The following NUP98 variants were observed in gnomAD, a reference collection of about 807,000 sequenced individuals.
The protein encoded by NUP98 is nuclear pore complex protein Nup98-Nup96.
Under a neutral mutation model 191.9 loss-of-function variants are expected in NUP98, and 26 were observed. The ratio of observed to expected loss-of-function variants is 0.14; its 90% CI spans 0.10 to 0.19. The LOEUF (loss-of-function observed/expected upper bound fraction) is 0.19, where lower values mean the gene tolerates loss of function less well. Ranked by LOEUF, NUP98 falls within the 10% of genes least tolerant of loss-of-function variation. The pLI is 1.00. For synonymous variants in NUP98, 808 were observed against 778.4 expected, an observed-to-expected ratio of 1.04 and a Z score of -0.63; for missense variants, 1,941 against 2,178.8, an observed-to-expected ratio of 0.89 and a Z score of 2.17.
intron 10 of NUP98, among the ~76,000 whole-genome samples, chr11:3,755,555 C>G (rs2080930305): frequency 6.6e-6 from 1 of 152,066 alleles, no homozygotes; most frequent in Admixed American, 6.6e-5. Flanking sequence ...GAAAGTATCA[C>G]TAATATTATA....
At chr11:3,716,633 TG>T (rs2079192885) in intron 18 of NUP98, among the ~76,000 whole-genome samples, 1 of 151,956 alleles carries the variant, frequency 6.6e-6, no homozygotes, top group Non-Finnish European at 1.5e-5. Context: ...AGCTTGAACC[TG>T]GGGGCAGAGG....
chr11:3,703,779 C>T (rs1294028404), intron 22 of NUP98, among the ~76,000 whole-genome samples: 2 of 152,132 alleles, frequency 1.3e-5, no homozygotes, highest in Non-Finnish European at 2.9e-5. Context: ...CACTAGGTAT[C>T]TTACAATTGT....
intron 10 of NUP98, among the ~76,000 whole-genome samples, chr11:3,758,931 T>G (rs979156305): frequency 6.6e-6 from 1 of 152,154 alleles, no homozygotes; most frequent in African/African-American, 2.4e-5. Flanking sequence ...GCAAAATGAC[T>G]AAAAGGGATT....
intron 18 of NUP98, among the ~76,000 whole-genome samples, chr11:3,718,124 G>A (rs879140470): frequency 6.6e-6 from 1 of 152,094 alleles, no homozygotes; most frequent in Non-Finnish European, 1.5e-5. Context: ...CAATTTTTTG[G>A]AAGAGTCTGA....
chr11:3,692,455 G>A (rs571281349), intron 27 of NUP98, among the ~76,000 whole-genome samples: 48 of 152,012 alleles, frequency 3.2e-4, no homozygotes, highest in Non-Finnish European at 5.0e-4. Flanking sequence ...GTGAAACCGC[G>A]TCTCTACTAA....
At position 3,780,541 on chromosome 11, in the gene NUP98, CAAAAAAA is replaced by C. The variant is rs142060672; in HGVS notation, c.77-1291_77-1285del. Among the ~76,000 whole-genome samples, 109 of 74,822 alleles carry C rather than the reference CAAAAAAA, an allele frequency of 1.5e-3. No individual in the cohort carries two copies. In the East Asian group the frequency reaches 0.018, roughly 12 times the overall value. 49.1% of individuals were successfully genotyped at this position (74,822 alleles called of 152,430 possible). ...TGGGTGACAGAGCGAGACTCCATCTCAAAAAAAAAAAAAAAAAAAAAGAAAAAGAAAA... is the reference window on the plus strand; with the variant it reads ...TGGGTGACAGAGCGAGACTCCATCTCAAAAAAAAAAAAAAGAAAAAGAAAA... On this transcript the variant is annotated intron_variant, in intron 2 of 32. Transcript: ENST00000324932.
At chr11:3,715,524 C>A (rs1202480990) in intron 18 of NUP98, among the ~76,000 whole-genome samples, 6 of 151,894 alleles carry the variant, frequency 4.0e-5, no homozygotes, top group Admixed American at 3.9e-4. Flanking sequence ...TGTTGGGCAT[C>A]TTTTCATGTA....
chr11:3,691,714 C>T (rs542320578), intron 27 of NUP98, among the ~76,000 whole-genome samples: 39 of 152,184 alleles, frequency 2.6e-4, no homozygotes, highest in African/African-American at 8.2e-4. Flanking sequence ...CCACCACACC[C>T]GGCTAATTTT....
At chr11:3,708,003 A>G (rs2078914483) in intron 20 of NUP98, among the ~76,000 whole-genome samples, 1 of 152,112 alleles carries the variant, frequency 6.6e-6, no homozygotes, top group South Asian at 2.1e-4. Context: ...TAGGAGGCTG[A>G]GGCAGGAAAA....
intron 14 of NUP98, among the ~76,000 whole-genome samples, chr11:3,726,399 A>G (rs777672735): frequency 5.0e-4 from 75 of 150,470 alleles, no homozygotes; most frequent in Non-Finnish European, 8.7e-4. Flanking sequence ...CAATAATGCC[A>G]TAAGTTAGTT....
intron 20 of NUP98, among the ~76,000 whole-genome samples, chr11:3,707,325 A>G (rs2078889862): frequency 6.6e-6 from 1 of 152,214 alleles, no homozygotes; most frequent in Non-Finnish European, 1.5e-5. Flanking sequence ...CTAACAGTCT[A>G]TGATTTAAAA....
At chr11:3,759,883 G>A (rs2134499262) in intron 10 of NUP98, among the ~76,000 whole-genome samples, 2 of 150,992 alleles carry the variant, frequency 1.3e-5, no homozygotes, top group South Asian at 4.2e-4. Context: ...ATGTTGCCTA[G>A]GCTGGAATGC....
At chr11:3,787,049 A>C (rs1295176840) in intron 1 of NUP98, among the ~76,000 whole-genome samples, 4 of 152,222 alleles carry the variant, frequency 2.6e-5, no homozygotes, top group Non-Finnish European at 5.9e-5. Context: ...TCTAACCTTC[A>C]CAAAAATACT....
chr11:3,695,071 G>A (rs1462197402), intron 26 of NUP98, among the ~76,000 whole-genome samples: 1 of 152,180 alleles, frequency 6.6e-6, no homozygotes. Flanking sequence ...GCTCAGGTGA[G>A]AGGATCACTT....
Position 3,719,568 on chromosome 11 carries a change from T to C in NUP98, c.2261-18A>G, listed in dbSNP as rs762253588. 22 of 1,516,680 alleles carry C rather than the reference T, an allele frequency of 1.5e-5. No individual in the cohort carries two copies. The highest frequency in any genetic ancestry group is 5.0e-5 in the East Asian group (2 of 40,156). The allele number at this position is 1,516,680 out of a possible 1,614,324, so 94.0% of individuals were successfully genotyped here. A position where few individuals can be genotyped will look rare whatever the true frequency, so the allele number is the denominator to read the frequency against. On this transcript the variant is annotated intron_variant, in intron 17 of 32. Transcript: ENST00000324932. ...ACCATAACCTATAAATCAGAGCAAA[T>C]AGTTAAAAATTCATTCTGTATGAAG...
chr11:3,736,607 G>T (rs957259059), intron 12 of NUP98, among the ~76,000 whole-genome samples: 4 of 152,312 alleles, frequency 2.6e-5, no homozygotes, highest in Non-Finnish European at 5.9e-5. Context: ...CAGCCTGGGT[G>T]AAAGAGCGAG....
intron 27 of NUP98, among the ~76,000 whole-genome samples, chr11:3,692,532 T>G (rs1376911850): frequency 6.6e-6 from 1 of 151,736 alleles, no homozygotes; most frequent in Admixed American, 6.6e-5. Flanking sequence ...GAGGCAGAGG[T>G]TGCAGTGAGC....
chr11:3,728,911 A>T (rs2079723951), intron 14 of NUP98, among the ~76,000 whole-genome samples: 2 of 152,198 alleles, frequency 1.3e-5, no homozygotes, highest in Non-Finnish European at 2.9e-5. Flanking sequence ...CTGATAACTT[A>T]GATGAGGAAT....
intron 12 of NUP98, 51 bp downstream of exon 12, chr11:3,744,458 C>G: frequency 6.4e-7 from 1 of 1,556,146 alleles, no homozygotes. Context: ...ATCAGGTCAG[C>G]AAGTATTAGC....
Sources: gnomAD v4.1 joint callset for allele counts (sites outside exome capture counted in the v4.1 genomes callset) on GRCh38, gnomAD v4.1.1 for gene constraint, MANE v1.5 for transcripts, NCBI Gene and HGNC (gene_info 2026-07-23, HGNC 2026-07-21) for gene names.